Variants in NUDC observed in about 807,000 individuals in gnomAD.
NUDC encodes the protein nuclear distribution C, dynein complex regulator.
In NUDC, 14 loss-of-function variants were observed where a neutral mutation model predicts 45.0. The ratio of observed to expected loss-of-function variants is 0.31; its 90% CI spans 0.21 to 0.49. NUDC has a LOEUF of 0.49. Among genes scored for constraint, NUDC ranks in the 20% least tolerant of loss-of-function variants. The probability of loss-of-function intolerance (pLI) is 0.99; values close to 1 mark genes in which losing one functional copy is unlikely to be tolerated. For synonymous variants in NUDC, 153 were observed against 156.7 expected (o/e 0.98, Z 0.17); for missense variants, 323 against 426.2 (o/e 0.76, Z 2.13).
chr1:26,925,659 C>G (rs1167075241), intron 2 of NUDC, among the ~76,000 whole-genome samples: 1 of 149,622 alleles, frequency 6.7e-6, no homozygotes, highest in Non-Finnish European at 1.5e-5. Context: ...AGACCTTGAA[C>G]TTCTTTCTGA....
intron 2 of NUDC, among the ~76,000 whole-genome samples, chr1:26,936,864 A>G (rs2082238697): frequency 1.3e-5 from 2 of 152,044 alleles, no homozygotes; most frequent in East Asian, 1.9e-4. Context: ...CTGGACACCA[A>G]CTGGGTATCC....
chr1:26,934,193 A>G (rs2082207884), intron 2 of NUDC, among the ~76,000 whole-genome samples: 1 of 152,198 alleles, frequency 6.6e-6, no homozygotes, highest in African/African-American at 2.4e-5. Context: ...AGAGTTCTGC[A>G]TGACCGGGGA....
intron 2 of NUDC, 147 bp downstream of exon 2, chr1:26,924,313 C>G: frequency 4.1e-6 from 3 of 724,694 alleles, no homozygotes; most frequent in Non-Finnish European, 4.9e-6. Flanking sequence ...GCTGTCATTT[C>G]TTCAAGCTCC....
At chr1:26,927,178 G>C (rs1338403896) in intron 2 of NUDC, among the ~76,000 whole-genome samples, 1 of 150,112 alleles carries the variant, frequency 6.7e-6, no homozygotes, top group Non-Finnish European at 1.5e-5. Flanking sequence ...AGAAGGGAGA[G>C]AGATGAACCG....
chr1:26,932,714 C>T (rs1011024895), intron 2 of NUDC, among the ~76,000 whole-genome samples: 2 of 152,184 alleles, frequency 1.3e-5, no homozygotes, highest in African/African-American at 2.4e-5. Flanking sequence ...TCTTAGGGAA[C>T]TGAAACCCTG....
chr1:26,925,874 A>G (rs1434223997), intron 2 of NUDC, among the ~76,000 whole-genome samples: 1 of 151,920 alleles, frequency 6.6e-6, no homozygotes, highest in African/African-American at 2.4e-5. Context: ...GGCATGCACC[A>G]CCACGCCTGG....
chr1:26,921,999 G>C, intron 1 of NUDC, 70 bp downstream of exon 1: 2 of 1,458,896 alleles, frequency 1.4e-6, no homozygotes, highest in Non-Finnish European at 1.9e-6. Context: ...CTCTGCCTTC[G>C]AGGGCTGAGA....
At chr1:26,922,166 A>G in intron 1 of NUDC, 1 of 584,012 alleles carries the variant, frequency 1.7e-6, no homozygotes, top group Non-Finnish European at 3.1e-6. Context: ...CCCTGAGCTT[A>G]GGATCCCCCT....
intron 6 of NUDC, 47 bp from the exon 7 acceptor site, chr1:26,945,343 G>A (rs1483410837): frequency 6.6e-7 from 1 of 1,508,084 alleles, no homozygotes; most frequent in Non-Finnish European, 9.2e-7. Context: ...GTGATTCCTG[G>A]TGCACAGAGC....
At chr1:26,945,979 T>C (rs1264604393) in intron 8 of NUDC, 151 bp from the exon 9 acceptor site, 20 of 789,896 alleles carry the variant, frequency 2.5e-5, no homozygotes, top group East Asian at 2.3e-4. Context: ...GGGACTCAAA[T>C]GCGTCTCAGA....
chr1:26,932,766 T>C (rs1390937597), intron 2 of NUDC, among the ~76,000 whole-genome samples: 1 of 152,172 alleles, frequency 6.6e-6, no homozygotes, highest in Non-Finnish European at 1.5e-5. Context: ...CCCTACCTCC[T>C]GGTAACTGCT....
chr1:26,902,877 C>T lies in NUDC; in HGVS notation c.-16+511C>T, dbSNP rs369266494. On this transcript the variant is annotated intron_variant, in intron 2 of 6. Coordinates refer to the NUDC transcript ENST00000435827. ...CAGCCTGGCCAACATGGTGAAACCC[C>T]GTCTCTACTAAAAATACAAAAATTA... Among the ~76,000 whole-genome samples the T allele has an allele frequency of 4.0e-4, 61 of 152,012 alleles. No individual in the cohort carries two copies. The East Asian group carries it at 7.5e-3, about 19-fold the overall frequency.
rs200475847 is a variant in NUDC, at chr1:26,911,972, C to T, written c.93+737C>T. 140 of 1,614,226 alleles carry T rather than the reference C, an allele frequency of 8.7e-5. 1 individual carries two copies. In the East Asian group the frequency reaches 2.5e-3, roughly 29 times the overall value. On this transcript the variant is annotated intron_variant, in intron 3 of 6. Coordinates refer to the NUDC transcript ENST00000435827. ...GAGGGTGGAGGCCGTGAGGAGGACA[C>T]GGGTCAGGCGGCCTTGGGCTGCTGG...
At chr1:26,904,213 G>T (rs1430250789) in intron 2 of NUDC, among the ~76,000 whole-genome samples, 1 of 146,584 alleles carries the variant, frequency 6.8e-6, no homozygotes, top group Non-Finnish European at 1.5e-5. Flanking sequence ...ACCCAGGCTG[G>T]AGTGCATGCA....
intron 2 of NUDC, among the ~76,000 whole-genome samples, chr1:26,907,503 T>C (rs1309374225): frequency 6.6e-6 from 1 of 151,870 alleles, no homozygotes; most frequent in African/African-American, 2.4e-5. Flanking sequence ...AATGAATTAA[T>C]GGATGGATAG....
chr1:26,931,883 C>T (rs2082187058), intron 2 of NUDC, among the ~76,000 whole-genome samples: 1 of 151,424 alleles, frequency 6.6e-6, no homozygotes, highest in South Asian at 2.1e-4. Flanking sequence ...GACAGGGTTT[C>T]AGTAACATTG....
intron 2 of NUDC, chr1:26,911,116 T>C (rs2124064837): frequency 4.2e-6 from 2 of 471,098 alleles, no homozygotes; most frequent in Admixed American, 2.3e-5. Context: ...CACTCTCTTT[T>C]GTCATCTGCA....
intron 2 of NUDC, among the ~76,000 whole-genome samples, chr1:26,910,695 C>A (rs543258507): frequency 1.3e-5 from 2 of 152,178 alleles, no homozygotes; most frequent in African/African-American, 4.8e-5. Flanking sequence ...ATCACTCCTT[C>A]CTGCCCACCC....
intron 2 of NUDC, among the ~76,000 whole-genome samples, chr1:26,931,436 G>A (rs2082183072): frequency 7.2e-6 from 1 of 139,446 alleles, no homozygotes; most frequent in Non-Finnish European, 1.5e-5. Flanking sequence ...AGGTTGGAGT[G>A]CAGTGGCACC....
Sources: allele counts gnomAD v4.1 joint callset (sites outside exome capture counted in the v4.1 genomes callset), GRCh38; gene constraint gnomAD v4.1.1; transcripts MANE v1.5; gene names NCBI Gene and HGNC (gene_info 2026-07-23, HGNC 2026-07-21).